The following SLC26A7 variants were observed in gnomAD, a reference collection of about 807,000 sequenced individuals.
The protein encoded by SLC26A7 is solute carrier family 26 member 7.
A neutral mutation model predicts 82.5 loss-of-function variants in SLC26A7; 59 were observed. The observed-to-expected ratio is 0.72, with a 90% CI of 0.58 to 0.89. The LOEUF (loss-of-function observed/expected upper bound fraction) is 0.89, where lower values mean the gene tolerates loss of function less well. SLC26A7 is among the 40% of genes least tolerant of loss of function. The probability of loss-of-function intolerance (pLI) is 0.00; values close to 1 mark genes in which losing one functional copy is unlikely to be tolerated. For synonymous variants in SLC26A7, 271 were observed against 274.3 expected, an observed-to-expected ratio of 0.99 and a Z score of 0.12; for missense variants, 820 against 793.0, an observed-to-expected ratio of 1.03 and a Z score of -0.41.
intron 1 of SLC26A7, among the ~76,000 whole-genome samples, chr8:91,212,899 G>A (rs999384597): frequency 6.6e-6 from 1 of 152,094 alleles, no homozygotes; most frequent in African/African-American, 2.4e-5. Context: ...GTATAAACAT[G>A]AGCTCATACA....
chr8:91,219,211 A>C, intron 2 of SLC26A7: 2 of 357,132 alleles, frequency 5.6e-6, no homozygotes, highest in East Asian at 8.1e-5. Flanking sequence ...TTTGGCTTAA[A>C]AAAGTACAAA....
chr8:91,370,413 T>C (rs907828008), intron 15 of SLC26A7, among the ~76,000 whole-genome samples: 1 of 151,968 alleles, frequency 6.6e-6, no homozygotes, highest in African/African-American at 2.4e-5. Context: ...GAACCACAAA[T>C]TGAAATTCAT....
At chr8:91,343,822 A>G in intron 9 of SLC26A7, 1 of 267,288 alleles carries the variant, frequency 3.7e-6, no homozygotes, top group Non-Finnish European at 5.8e-6. Flanking sequence ...TATAAAATCG[A>G]TTATATGAAA....
At chr8:91,339,254 T>C (rs1203202911) in intron 7 of SLC26A7, among the ~76,000 whole-genome samples, 1 of 152,160 alleles carries the variant, frequency 6.6e-6, no homozygotes, top group East Asian at 1.9e-4. Flanking sequence ...CAATTTGTCT[T>C]AATGGTAAAC....
intron 2 of SLC26A7, among the ~76,000 whole-genome samples, chr8:91,223,350 A>G (rs1194403970): frequency 6.6e-6 from 1 of 151,264 alleles, no homozygotes; most frequent in Non-Finnish European, 1.5e-5. Flanking sequence ...CTCTGATCTT[A>G]GTTTTTTCTT....
chr8:91,259,521 C>T (rs745871895), intron 2 of SLC26A7, among the ~76,000 whole-genome samples: 3 of 152,100 alleles, frequency 2.0e-5, no homozygotes, highest in Non-Finnish European at 2.9e-5. Flanking sequence ...TCTCATTGCA[C>T]AGGATTAGAC....
intron 9 of SLC26A7, among the ~76,000 whole-genome samples, chr8:91,345,789 G>C (rs1362276981): frequency 6.6e-6 from 1 of 152,032 alleles, no homozygotes; most frequent in Non-Finnish European, 1.5e-5. Context: ...GTTTCCTTAG[G>C]CATTTCCCTG....
chr8:91,271,063 A>G (rs185910155), intron 2 of SLC26A7, among the ~76,000 whole-genome samples: 2 of 152,260 alleles, frequency 1.3e-5, no homozygotes, highest in East Asian at 1.9e-4. Flanking sequence ...ATTATAATTT[A>G]TCTTGCTTTA....
At chr8:91,212,973 T>C (rs1432931619) in intron 1 of SLC26A7, among the ~76,000 whole-genome samples, 1 of 152,192 alleles carries the variant, frequency 6.6e-6, no homozygotes, top group Non-Finnish European at 1.5e-5. Flanking sequence ...TTCGGAGAAC[T>C]CTCCCTTTTG....
chr8:91,301,075 CA>C (rs1812152969), intron 4 of SLC26A7, among the ~76,000 whole-genome samples: 1 of 152,148 alleles, frequency 6.6e-6, no homozygotes, highest in African/African-American at 2.4e-5. Flanking sequence ...CTTTAAATTG[CA>C]AGAATAAATT....
At chr8:91,330,049 A>T (rs983951587) in intron 5 of SLC26A7, among the ~76,000 whole-genome samples, 2 of 152,126 alleles carry the variant, frequency 1.3e-5, no homozygotes, top group African/African-American at 4.8e-5. Flanking sequence ...AGTAGCATGG[A>T]ATAAAATAGA....
intron 5 of SLC26A7, among the ~76,000 whole-genome samples, chr8:91,330,055 A>G (rs996693): frequency 0.18 from 26,983 of 152,138 alleles, 2,823 homozygotes; most frequent in African/African-American, 0.28. Flanking sequence ...ATGGAATAAA[A>G]TAGAATTATG....
At chr8:91,390,260 G>T (rs1221517779) in intron 16 of SLC26A7, among the ~76,000 whole-genome samples, 1 of 151,948 alleles carries the variant, frequency 6.6e-6, no homozygotes, top group Non-Finnish European at 1.5e-5. Context: ...GGGACTACAG[G>T]CACCTGCCAC....
At chr8:91,235,441 C>T (rs975555389) in intron 2 of SLC26A7, among the ~76,000 whole-genome samples, 2 of 152,078 alleles carry the variant, frequency 1.3e-5, no homozygotes, top group Admixed American at 6.6e-5. Flanking sequence ...TATCTTTACT[C>T]ATTTAGATCA....
At position 91,328,116 on chromosome 8, in the gene SLC26A7, T is replaced by A. The variant is rs76361214; in HGVS notation, c.643-6179T>A. On this transcript the variant is annotated intron_variant, in intron 5 of 18. Transcript: ENST00000276609. Reference sequence around the variant, plus strand: ...ATTTAATTTTTAATACTTGTTAATATTTTCTAAACATATAAGATCTTTCTA... The same window carrying A: ...ATTTAATTTTTAATACTTGTTAATAATTTCTAAACATATAAGATCTTTCTA... Among the ~76,000 whole-genome samples the A allele has an allele frequency of 7.3e-3, 1,113 of 152,222 alleles. 10 individuals carry two copies. The highest frequency in any genetic ancestry group is 0.026 in the African/African-American group (1,060 of 41,550).
At chr8:91,317,066 G>A (rs1052763702) in intron 4 of SLC26A7, among the ~76,000 whole-genome samples, 2 of 150,538 alleles carry the variant, frequency 1.3e-5, no homozygotes, top group African/African-American at 4.9e-5. Flanking sequence ...AGGCTAAAAT[G>A]GGAGGATCAC....
chr8:91,354,371 A>G (rs1046119520), intron 11 of SLC26A7, among the ~76,000 whole-genome samples: 3 of 152,138 alleles, frequency 2.0e-5, no homozygotes, highest in African/African-American at 7.2e-5. Context: ...ATGAGTGTGA[A>G]CATGTCTGTC....
intron 9 of SLC26A7, among the ~76,000 whole-genome samples, chr8:91,347,147 G>C (rs553248059): frequency 4.6e-5 from 7 of 152,168 alleles, no homozygotes; most frequent in Non-Finnish European, 8.8e-5. Context: ...GAATGAATGA[G>C]AAATGAGAGC....
At chr8:91,311,879 T>C (rs570658824) in intron 4 of SLC26A7, among the ~76,000 whole-genome samples, 34 of 152,146 alleles carry the variant, frequency 2.2e-4, no homozygotes, top group Non-Finnish European at 4.3e-4. Flanking sequence ...TTACATAAGA[T>C]AAGGTAAAAA....
Sources: allele counts gnomAD v4.1 joint callset (sites outside exome capture counted in the v4.1 genomes callset), GRCh38; gene constraint gnomAD v4.1.1; transcripts MANE v1.5; gene names NCBI Gene and HGNC (gene_info 2026-07-23, HGNC 2026-07-21).